STK32B: variants seen among roughly 807,000 people sequenced by gnomAD.
STK32B encodes serine/threonine-protein kinase 32B.
Under a neutral mutation model 52.6 loss-of-function variants are expected in STK32B, and 43 were observed. That is an observed-to-expected ratio of 0.82 (90% CI 0.64 to 1.05). The LOEUF is 1.05. STK32B is among the 50% of genes least tolerant of loss of function. The pLI is 0.00. For synonymous variants in STK32B, 238 were observed against 204.3 expected (o/e 1.17, Z -1.41); for missense variants, 621 against 534.6 (o/e 1.16, Z -1.59).
At chr4:5,404,922 G>A (rs116171985) in intron 5 of STK32B, among the ~76,000 whole-genome samples, 2,619 of 145,212 alleles carry the variant, frequency 0.018, 80 homozygotes, top group African/African-American at 0.063. Context: ...ACTGGAGTGC[G>A]GCGGTGCCAT....
intron 3 of STK32B, among the ~76,000 whole-genome samples, chr4:5,244,303 G>T (rs545228975): frequency 2.0e-5 from 3 of 152,204 alleles, no homozygotes; most frequent in Non-Finnish European, 1.5e-5. Context: ...GTTTAGTCTT[G>T]GGAGGGTGTA....
the STK32B span, among the ~76,000 whole-genome samples, chr4:5,029,869 G>A: frequency 6.6e-6 from 1 of 152,220 alleles, no homozygotes; most frequent in African/African-American, 2.4e-5. Context: ...CACGTGTCAA[G>A]GAAGAGACCA....
intron 3 of STK32B, among the ~76,000 whole-genome samples, chr4:5,313,114 AAAACCACAATTACTTTTGCTCC>A (rs1730421140): frequency 7.8e-6 from 1 of 128,294 alleles, no homozygotes; most frequent in African/African-American, 4.9e-5. Context: ...GTGGTTTTTA[AAAACCACAATTACTTTTGCTCC>A]AACCTATTAT....
chr4:5,054,909 A>G lies in STK32B; in HGVS notation c.52+2994A>G, dbSNP rs899054300. 3.3e-5 allele frequency among the ~76,000 whole-genome samples: 5 copies of G among 152,338 alleles called. 1 individual carries two copies. The Middle Eastern group carries it at 0.014, about 415-fold the overall frequency. On this transcript the variant is annotated intron_variant, in intron 1 of 11. Transcript: ENST00000282908. The stretch of plus-strand genomic sequence containing the variant: ...CAAGTGGTCATAGCTGTTCACGCTC[A>G]CATGATATATAATAAGCAGAGAAAG...
chr4:5,440,199 T>C (rs1577501456), intron 6 of STK32B, among the ~76,000 whole-genome samples: 1 of 152,216 alleles, frequency 6.6e-6, no homozygotes, highest in African/African-American at 2.4e-5. Context: ...TTGGGCAGTA[T>C]GGCCATTTTC....
intron 1 of STK32B, among the ~76,000 whole-genome samples, chr4:5,086,848 C>T (rs1423210565): frequency 1.3e-5 from 2 of 152,160 alleles, no homozygotes; most frequent in Non-Finnish European, 2.9e-5. Flanking sequence ...GAAAAACTAT[C>T]TTTAAAAATG....
intron 1 of STK32B, among the ~76,000 whole-genome samples, chr4:5,077,091 T>C (rs1046019666): frequency 1.3e-5 from 2 of 152,180 alleles, no homozygotes; most frequent in Non-Finnish European, 2.9e-5. Context: ...GTAAGCTCCA[T>C]GTGGGCAAGA....
intron 6 of STK32B, among the ~76,000 whole-genome samples, chr4:5,417,781 A>G (rs568294538): frequency 6.6e-6 from 1 of 152,370 alleles, no homozygotes; most frequent in African/African-American, 2.4e-5. Context: ...TAAGACAATC[A>G]CAACGTTATT....
At chr4:5,484,518 C>G (rs7438007) in intron 11 of STK32B, among the ~76,000 whole-genome samples, 3 of 151,980 alleles carry the variant, frequency 2.0e-5, no homozygotes, top group Admixed American at 6.6e-5. Flanking sequence ...ATACAGCACA[C>G]GGATAGGTCT....
intron 3 of STK32B, among the ~76,000 whole-genome samples, chr4:5,218,683 G>T (rs1054129544): frequency 3.3e-5 from 5 of 152,128 alleles, no homozygotes; most frequent in African/African-American, 1.2e-4. Flanking sequence ...ACCCGTTCTT[G>T]CTAGTCAGCC....
chr4:5,140,997 A>G (rs1716403579), intron 2 of STK32B, among the ~76,000 whole-genome samples: 1 of 152,220 alleles, frequency 6.6e-6, no homozygotes, highest in Non-Finnish European at 1.5e-5. Flanking sequence ...TAAGGGGAAT[A>G]TGGAGTTATG....
intron 3 of STK32B, among the ~76,000 whole-genome samples, chr4:5,215,445 G>T (rs1342950579): frequency 1.3e-5 from 2 of 152,058 alleles, no homozygotes; most frequent in African/African-American, 2.4e-5. Context: ...AGAACTGGAG[G>T]GTAAACGCAG....
intron 3 of STK32B, among the ~76,000 whole-genome samples, chr4:5,188,429 G>T (rs185697269): frequency 6.6e-6 from 1 of 152,108 alleles, no homozygotes; most frequent in South Asian, 2.1e-4. Context: ...TTTCCCTGAC[G>T]TCAGGCGCAC....
chr4:5,232,572 T>G (rs1724345879), intron 3 of STK32B, among the ~76,000 whole-genome samples: 1 of 152,238 alleles, frequency 6.6e-6, no homozygotes. Flanking sequence ...GAATCCCTGA[T>G]GGGACATGGG....
chr4:5,268,231 T>C (rs1468487863), intron 3 of STK32B, among the ~76,000 whole-genome samples: 1 of 152,204 alleles, frequency 6.6e-6, no homozygotes, highest in Non-Finnish European at 1.5e-5. Flanking sequence ...CCTTTTTCTC[T>C]GAGGTGGAAG....
rs767862829 is a variant in STK32B, at chr4:5,446,711, G to C, written c.601G>C (p.Gly201Arg). Residue 201 changes from glycine to arginine, a missense_variant, in exon 7 of 12, where the codon GGA becomes CGA. Transcript: ENST00000282908. The part of the protein sequence containing the change: ...VFQVYMDRGP[G>R]YSYPVDWWSL... ...CCAGGTGTACATGGACAGAGGCCCC[G>C]GATACTCGTACCCTGTCGACTGGTG... 1 of 1,614,064 alleles carries C rather than the reference G, an allele frequency of 6.2e-7. No individual in the cohort carries two copies.
chr4:5,114,427 G>T (rs1408119818), intron 1 of STK32B, among the ~76,000 whole-genome samples: 1 of 151,872 alleles, frequency 6.6e-6, no homozygotes, highest in Non-Finnish European at 1.5e-5. Context: ...GCTGTTTAGT[G>T]TCAGGCGTCC....
intron 3 of STK32B, among the ~76,000 whole-genome samples, chr4:5,266,525 C>T (rs1267578202): frequency 1.3e-5 from 2 of 152,060 alleles, no homozygotes; most frequent in Admixed American, 6.5e-5. Flanking sequence ...GCGTGAACTC[C>T]GGGAAAAGGT....
intron 11 of STK32B, among the ~76,000 whole-genome samples, chr4:5,490,582 TTTA>T (rs1719639432): frequency 6.6e-6 from 1 of 152,114 alleles, no homozygotes; most frequent in South Asian, 2.1e-4. Context: ...TTTAAATTTT[TTTA>T]TTATTATACT....
Sources: gnomAD v4.1 joint callset for allele counts (sites outside exome capture counted in the v4.1 genomes callset) on GRCh38, gnomAD v4.1.1 for gene constraint, MANE v1.5 for transcripts, NCBI Gene and HGNC (gene_info 2026-07-23, HGNC 2026-07-21) for gene names.